Variants in CDH18 observed in about 807,000 individuals in gnomAD.
CDH18 encodes the protein cadherin 18.
Under a neutral mutation model 67.9 loss-of-function variants are expected in CDH18, and 31 were observed. That is an observed-to-expected ratio of 0.46 (90% confidence interval 0.34 to 0.62). CDH18 has a LOEUF of 0.62. Among genes scored for constraint, CDH18 ranks in the 20% least tolerant of loss-of-function variants. The pLI is 0.01. For missense variants in CDH18, 890 were observed against 975.5 expected, an observed-to-expected ratio of 0.91 and a Z score of 1.17; for synonymous variants, 362 against 347.2, an observed-to-expected ratio of 1.04 and a Z score of -0.48.
chr5:20,476,379 C>G (rs1420401806), intron 1 of CDH18, among the ~76,000 whole-genome samples: 1 of 149,092 alleles, frequency 6.7e-6, no homozygotes, highest in Non-Finnish European at 1.5e-5. Flanking sequence ...AAAATACCAA[C>G]ATAAAGAAAA....
chr5:20,235,626 C>T (rs1742419707), intron 2 of CDH18, among the ~76,000 whole-genome samples: 1 of 152,076 alleles, frequency 6.6e-6, no homozygotes, highest in Non-Finnish European at 1.5e-5. Context: ...AAAAAAGGAA[C>T]AGATGTTGGC....
At chr5:20,101,961 C>T (rs980223914) in intron 2 of CDH18, among the ~76,000 whole-genome samples, 1 of 152,112 alleles carries the variant, frequency 6.6e-6, no homozygotes, top group African/African-American at 2.4e-5. Flanking sequence ...ATCCTACCTA[C>T]TCAGGAGGCT....
At chr5:19,603,441 A>T (rs1208104876) in intron 6 of CDH18, among the ~76,000 whole-genome samples, 1 of 152,116 alleles carries the variant, frequency 6.6e-6, no homozygotes, top group Non-Finnish European at 1.5e-5. Context: ...CAATAGTACC[A>T]TTGGTTGCAC....
intron 4 of CDH18, among the ~76,000 whole-genome samples, chr5:19,744,114 T>TAC (rs1037985618): frequency 1.6e-4 from 24 of 151,918 alleles, no homozygotes; most frequent in Non-Finnish European, 3.1e-4. Context: ...AGTGTATATA[T>TAC]ACACACACAC....
At chr5:20,317,455 C>T (rs1464533208) in intron 1 of CDH18, among the ~76,000 whole-genome samples, 3 of 151,956 alleles carry the variant, frequency 2.0e-5, no homozygotes, top group Non-Finnish European at 4.4e-5. Flanking sequence ...TGAAGAGAAA[C>T]AATTCAATAT....
intron 2 of CDH18, among the ~76,000 whole-genome samples, chr5:20,175,937 ACACT>A (rs1472205825): frequency 6.6e-6 from 1 of 152,154 alleles, no homozygotes; most frequent in African/African-American, 2.4e-5. Flanking sequence ...AATCAAGTTC[ACACT>A]CAGTATTAAC....
chr5:19,679,150 A>G (rs1580831743), intron 5 of CDH18, among the ~76,000 whole-genome samples: 1 of 152,060 alleles, frequency 6.6e-6, no homozygotes, highest in Non-Finnish European at 1.5e-5. Context: ...CAACATATCA[A>G]TACAAATCAA....
At chr5:19,505,747 G>A (rs975689981) in intron 10 of CDH18, among the ~76,000 whole-genome samples, 2 of 151,956 alleles carry the variant, frequency 1.3e-5, no homozygotes, top group South Asian at 2.1e-4. Flanking sequence ...TTTTTGTATC[G>A]ATGTTCATCA....
At chr5:19,517,015 T>C (rs983568927) in intron 10 of CDH18, among the ~76,000 whole-genome samples, 1 of 152,152 alleles carries the variant, frequency 6.6e-6, no homozygotes, top group Non-Finnish European at 1.5e-5. Context: ...CAGTTCTGAA[T>C]TTTATGGTAG....
chr5:19,483,688 G>T, intron 11 of CDH18, 136 bp from the exon 12 acceptor site: 1 of 854,744 alleles, frequency 1.2e-6, no homozygotes, highest in Non-Finnish European at 1.7e-6. Flanking sequence ...ACACGAAGGG[G>T]CAATTATTAA....
intron 2 of CDH18, among the ~76,000 whole-genome samples, chr5:20,038,721 A>G (rs534169299): frequency 6.6e-6 from 1 of 152,250 alleles, no homozygotes; most frequent in Admixed American, 6.5e-5. Flanking sequence ...TTTATGACAA[A>G]CCCACAGCCA....
intron 2 of CDH18, among the ~76,000 whole-genome samples, chr5:19,847,627 G>A (rs184524402): frequency 8.6e-5 from 13 of 151,986 alleles, no homozygotes; most frequent in African/African-American, 2.7e-4. Flanking sequence ...ATTGAGCCCT[G>A]TTTTCCTGTT....
intron 7 of CDH18, 95 bp from the exon 8 acceptor site, chr5:19,571,927 G>T: frequency 2.1e-6 from 2 of 967,726 alleles, no homozygotes; most frequent in South Asian, 1.7e-5. Context: ...TTCCTTTTTA[G>T]AATAAAATAA....
intron 1 of CDH18, among the ~76,000 whole-genome samples, chr5:20,558,303 G>A (rs1039420299): frequency 6.6e-6 from 1 of 152,096 alleles, no homozygotes; most frequent in Admixed American, 6.6e-5. Flanking sequence ...TAAGGAAAGT[G>A]TATCTCCGTA....
In CDH18 at chr5:19,850,413, AT is replaced by A. The variant is rs1233504444; in HGVS notation, c.-256-11172del. Among the ~76,000 whole-genome samples the A allele has an allele frequency of 7.9e-5, 12 of 151,954 alleles. No homozygotes were observed. The East Asian group carries it at 2.3e-3, about 29-fold the overall frequency. On this transcript the variant is annotated intron_variant, in intron 2 of 12. Transcript: ENST00000382275. Reference sequence around the variant, plus strand: ...ACAAATAATGTTTAGGGTAGATGTGATTTTTATTTCTACCACATTATCATTA... The same window carrying A: ...ACAAATAATGTTTAGGGTAGATGTGATTTTATTTCTACCACATTATCATTA...
intron 5 of CDH18, among the ~76,000 whole-genome samples, chr5:19,715,842 T>A (rs1268579527): frequency 6.7e-6 from 1 of 149,596 alleles, no homozygotes; most frequent in Non-Finnish European, 1.5e-5. Flanking sequence ...TGAGATGGAG[T>A]TTCTCACTCT....
chr5:20,179,604 A>G (rs1737521749), intron 2 of CDH18, among the ~76,000 whole-genome samples: 1 of 152,144 alleles, frequency 6.6e-6, no homozygotes, highest in Non-Finnish European at 1.5e-5. Context: ...ACTGGGAAGA[A>G]CTGCCAGTGG....
In CDH18 at chr5:19,855,358, C is replaced by A. The variant is rs115446157; in HGVS notation, c.-256-16116G>T. 1.8e-3 allele frequency among the ~76,000 whole-genome samples: 276 copies of A among 152,094 alleles called. 1 individual carries two copies. The highest frequency in any genetic ancestry group is 6.1e-3 in the African/African-American group (253 of 41,504). ...TGAGATAAAATAGCCATTTATATCT[C>A]CTTCTTTATGCATAACCATTTTCAA... On this transcript the variant is annotated intron_variant, in intron 2 of 12. Transcript: ENST00000382275.
chr5:20,305,464 C>G, intron 1 of CDH18: 1 of 1,395,576 alleles, frequency 7.2e-7, no homozygotes, highest in Non-Finnish European at 1.0e-6. Context: ...CGAACCTCCT[C>G]AGCGGCCGCC....
Sources: allele counts gnomAD v4.1 joint callset (sites outside exome capture counted in the v4.1 genomes callset), GRCh38; gene constraint gnomAD v4.1.1; transcripts MANE v1.5; gene names NCBI Gene and HGNC (gene_info 2026-07-23, HGNC 2026-07-21).